MOCOS: variants seen among roughly 807,000 people sequenced by gnomAD.
MOCOS encodes the protein human molybdenum cofactor sulfurase.
In MOCOS, 86 loss-of-function variants were observed where a neutral mutation model predicts 83.6. That is an observed-to-expected ratio of 1.03 (90% confidence interval 0.86 to 1.23). The LOEUF (loss-of-function observed/expected upper bound fraction) is 1.23, where lower values mean the gene tolerates loss of function less well. Ranked by LOEUF, MOCOS falls within the 50% of genes most tolerant of loss-of-function variation. The pLI, the probability that MOCOS is intolerant of heterozygous loss-of-function variation, is 0.00. For synonymous variants in MOCOS, 445 were observed against 434.7 expected (o/e 1.02, Z -0.29); for missense variants, 1,120 against 1,126.9 (o/e 0.99, Z 0.09).
Position 36,187,651 on chromosome 18 carries a change from CTGCGGGCGCGCGAGT to C in MOCOS, c.114_128del (p.Arg39_Phe43del), listed in dbSNP as rs1314439137. The stretch of plus-strand genomic sequence containing the variant: ...CTACGGCCCGGGCAGCCTGCGCGAG[CTGCGGGCGCGCGAGT>C]TCAGCCGCCTGGCAGGTGAGGCGGG... On this transcript the variant is annotated inframe_deletion, in exon 1 of 15. Transcript: ENST00000261326. 2 of 1,253,838 alleles carry C rather than the reference CTGCGGGCGCGCGAGT, an allele frequency of 1.6e-6. No individual in the cohort carries two copies. The highest frequency in any genetic ancestry group is 1.0e-6 in the Non-Finnish European group (1 of 999,122). 77.7% of individuals were successfully genotyped at this position (1,253,838 alleles called of 1,614,324 possible).
chr18:36,251,055 A>G, intron 10 of MOCOS, 104 bp from the exon 11 acceptor site: 2 of 1,394,052 alleles, frequency 1.4e-6, no homozygotes, highest in Non-Finnish European at 2.0e-6. Flanking sequence ...GGCTCATGCA[A>G]TGTTTTGTTT....
intron 9 of MOCOS, among the ~76,000 whole-genome samples, chr18:36,227,254 T>G (rs1250840443): frequency 1.3e-5 from 2 of 150,832 alleles, no homozygotes; most frequent in African/African-American, 2.4e-5. Flanking sequence ...TTTTAAGAGA[T>G]GTGGTCTCAC....
In MOCOS at chr18:36,187,689, G is replaced by T; in HGVS notation, c.142+8G>T. 1.6e-6 allele frequency: 2 copies of T among 1,265,550 alleles called. No homozygotes were observed. Among genetic ancestry groups the T allele is most frequent in the Non-Finnish European group, 2.0e-6 (2 of 1,005,768 alleles). 78.4% of individuals were successfully genotyped at this position (1,265,550 alleles called of 1,614,324 possible). On this transcript the variant is annotated splice_region_variant and intron_variant, in intron 1 of 14. Transcript: ENST00000261326. ...AGTTCAGCCGCCTGGCAGGTGAGGC[G>T]GGCGGGCAGGCTTGGGGGACACGAG...
At chr18:36,221,765 T>C (rs986823158) in intron 9 of MOCOS, among the ~76,000 whole-genome samples, 76 of 151,776 alleles carry the variant, frequency 5.0e-4, no homozygotes, top group African/African-American at 1.8e-3. Flanking sequence ...TCACTCTTGT[T>C]GTCCAGGCTG....
intron 11 of MOCOS, among the ~76,000 whole-genome samples, chr18:36,255,939 C>T (rs1335188546): frequency 6.9e-6 from 1 of 145,124 alleles, no homozygotes; most frequent in Non-Finnish European, 1.5e-5. Flanking sequence ...ATTGCTCAGA[C>T]TGGAGTGCAA....
chr18:36,228,836 GAA>G (rs34976015), intron 9 of MOCOS, among the ~76,000 whole-genome samples: 46,525 of 116,266 alleles, frequency 0.4, 7,775 homozygotes, highest in South Asian at 0.6. Flanking sequence ...CTTAAAAGTT[GAA>G]AAAAAAAAAA....
At chr18:36,243,899 T>G (rs1289867329) in intron 9 of MOCOS, among the ~76,000 whole-genome samples, 1 of 152,172 alleles carries the variant, frequency 6.6e-6, no homozygotes, top group East Asian at 1.9e-4. Flanking sequence ...CTAGTTTGTG[T>G]GCATAAAGGT....
At chr18:36,257,670 G>A (rs907062555) in intron 12 of MOCOS, among the ~76,000 whole-genome samples, 1 of 152,122 alleles carries the variant, frequency 6.6e-6, no homozygotes, top group Non-Finnish European at 1.5e-5. Context: ...AGAGCAAACT[G>A]AAGTCCCAAG....
rs2091474570 is a variant in MOCOS at position 36,215,855 on chromosome 18, G to A, written c.1675G>A (p.Asp559Asn). ...NAVPVAPPVCDVARTQPTPSE... is the reference protein window; with the variant it reads ...NAVPVAPPVCNVARTQPTPSE... ...TGTGCCTGTGGCCCCACCTGTGTGT[G>A]ATGTCGCCAGAACCCAGCCGACTCC... is the stretch of plus-strand genomic sequence containing the variant. Residue 559 changes from aspartate to asparagine, a missense_variant, in exon 8 of 15, where the codon GAT becomes AAT. Asp to Asn is a conservative substitution (Grantham distance 23, BLOSUM62 1). Transcript: ENST00000261326. The A allele has an allele frequency of 6.2e-7, 1 of 1,614,096 alleles. No individual in the cohort carries two copies. Among genetic ancestry groups the A allele is most frequent in the African/African-American group, 1.3e-5 (1 of 74,936 alleles).
Position 36,213,500 on chromosome 18 carries a change from C to T in MOCOS, c.1335+18C>T, listed in dbSNP as rs369057148. The stretch of plus-strand genomic sequence containing the variant: ...ATTTTCAGGTTGGTACAGGGCTCTG[C>T]GATCCAGACGCTGGTCAGCGAGACC... On this transcript the variant is annotated intron_variant, in intron 7 of 14. Coordinates refer to ENST00000261326, the MANE Select transcript of MOCOS (RefSeq NM_017947.4). 6.0e-5 allele frequency: 95 copies of T among 1,596,048 alleles called. No homozygotes were observed. The highest frequency in any genetic ancestry group is 1.1e-4 in the East Asian group (5 of 44,764).
intron 3 of MOCOS, 86 bp downstream of exon 3, chr18:36,198,842 C>A: frequency 6.9e-7 from 1 of 1,448,100 alleles, no homozygotes; most frequent in Non-Finnish European, 9.7e-7. Flanking sequence ...CACAAAAGTT[C>A]TGAGTTGGTT....
In MOCOS at chr18:36,268,919, C is replaced by T. The variant is rs1285214672; in HGVS notation, c.*234C>T. On this transcript the variant is annotated 3_prime_UTR_variant, in exon 15 of 15. Transcript: ENST00000261326. ...CAGGAACGAATGCTGCACCCACATC[C>T]AGTGAGGCTCCTGTAGGTATTTGAA... The T allele has an allele frequency of 1.8e-6, 1 of 558,400 alleles. No individual in the cohort carries two copies. Among genetic ancestry groups the T allele is most frequent in the Non-Finnish European group, 3.2e-6 (1 of 314,278 alleles). The allele number at this position is 558,400 out of a possible 1,614,324, so 34.6% of individuals were successfully genotyped here.
At chr18:36,246,655 G>A (rs1252663957) in intron 9 of MOCOS, among the ~76,000 whole-genome samples, 1 of 152,246 alleles carries the variant, frequency 6.6e-6, no homozygotes, top group African/African-American at 2.4e-5. Context: ...TGCTAGCAGT[G>A]AAGTTGTCAC....
chr18:36,242,715 A>T lies in MOCOS; in HGVS notation c.1961-6207A>T, dbSNP rs114651086. 3.9e-3 allele frequency among the ~76,000 whole-genome samples: 591 copies of T among 152,312 alleles called. 3 individuals carry two copies. Among genetic ancestry groups the T allele is most frequent in the African/African-American group, 0.014 (563 of 41,572 alleles). On this transcript the variant is annotated intron_variant, in intron 9 of 14. Transcript: ENST00000261326. Reference sequence around the variant, plus strand: ...AAGGGGAAGCAAGGACATTTTTCACATGGTGGCAGGAGAGAGAAGGGGGTA... The same window carrying T: ...AAGGGGAAGCAAGGACATTTTTCACTTGGTGGCAGGAGAGAGAAGGGGGTA...
chr18:36,196,583 T>G (rs1176116551), intron 2 of MOCOS, among the ~76,000 whole-genome samples: 1 of 152,150 alleles, frequency 6.6e-6, no homozygotes, highest in Non-Finnish European at 1.5e-5. Context: ...CAGCAGATAT[T>G]TAAATCTGGG....
At chr18:36,253,334 G>C (rs1010838809) in intron 11 of MOCOS, among the ~76,000 whole-genome samples, 16 of 152,168 alleles carry the variant, frequency 1.1e-4, no homozygotes, top group Non-Finnish European at 2.1e-4. Flanking sequence ...GAGTCACAGA[G>C]GGCTTCAGGG....
At chr18:36,260,392 A>T (rs923523387) in intron 13 of MOCOS, among the ~76,000 whole-genome samples, 1 of 152,180 alleles carries the variant, frequency 6.6e-6, no homozygotes, top group Non-Finnish European at 1.5e-5. Context: ...TCAGTTTCGC[A>T]CACACCACAG....
intron 6 of MOCOS, among the ~76,000 whole-genome samples, chr18:36,209,529 C>G (rs2091446657): frequency 6.7e-6 from 1 of 148,216 alleles, no homozygotes; most frequent in Non-Finnish European, 1.5e-5. Context: ...TCCATTATAT[C>G]ATTCTTATGC....
intron 9 of MOCOS, 121 bp downstream of exon 9, chr18:36,220,338 T>A: frequency 1.7e-6 from 2 of 1,162,808 alleles, no homozygotes; most frequent in Non-Finnish European, 2.4e-6. Context: ...AGACCTCATC[T>A]CTACAAAAAA....
Sources: gnomAD v4.1 joint callset for allele counts (sites outside exome capture counted in the v4.1 genomes callset) on GRCh38, gnomAD v4.1.1 for gene constraint, MANE v1.5 for transcripts, NCBI Gene and HGNC (gene_info 2026-07-23, HGNC 2026-07-21) for gene names.